The following INSYN2B variants were observed in gnomAD, a reference collection of about 807,000 sequenced individuals.
INSYN2B encodes the protein inhibitory synaptic factor family member 2B.
INSYN2B carries 16 observed loss-of-function variants against 41.2 expected under a neutral mutation model. The ratio of observed to expected loss-of-function variants is 0.39; its 90% CI spans 0.26 to 0.59. The LOEUF is 0.59. Among genes scored for constraint, INSYN2B ranks in the 20% least tolerant of loss-of-function variants. INSYN2B has a pLI of 0.57. For missense variants in INSYN2B, 608 were observed against 646.4 expected (o/e 0.94, Z 0.64); for synonymous variants, 245 against 244.4 (o/e 1.00, Z -0.02).
intron 1 of INSYN2B, among the ~76,000 whole-genome samples, chr5:169,893,201 A>C (rs1302358018): frequency 6.6e-6 from 1 of 152,130 alleles, no homozygotes; most frequent in Admixed American, 6.6e-5. Flanking sequence ...TGTAGGGACA[A>C]TTCTGTGGTA....
At chr5:169,893,832 G>C (rs1264710976) in intron 1 of INSYN2B, among the ~76,000 whole-genome samples, 2 of 152,222 alleles carry the variant, frequency 1.3e-5, no homozygotes, top group East Asian at 3.8e-4. Flanking sequence ...CCACATGGGA[G>C]AGGGATCCAG....
intron 1 of INSYN2B, among the ~76,000 whole-genome samples, chr5:169,933,176 C>G (rs1775835611): frequency 6.6e-6 from 1 of 152,118 alleles, no homozygotes; most frequent in Admixed American, 6.5e-5. Context: ...TTTGGTGTAC[C>G]CTGAAAGAGA....
At chr5:169,932,347 T>C (rs934541084) in intron 1 of INSYN2B, among the ~76,000 whole-genome samples, 1 of 152,076 alleles carries the variant, frequency 6.6e-6, no homozygotes, top group African/African-American at 2.4e-5. Flanking sequence ...GTTGGAACTA[T>C]ACCCGCTGCA....
intron 1 of INSYN2B, among the ~76,000 whole-genome samples, chr5:169,951,638 C>T (rs1303591839): frequency 6.6e-6 from 1 of 152,106 alleles, no homozygotes; most frequent in African/African-American, 2.4e-5. Flanking sequence ...TTGAGAATAG[C>T]ATTATGATGA....
intron 1 of INSYN2B, among the ~76,000 whole-genome samples, chr5:169,928,011 C>T (rs911044340): frequency 6.6e-6 from 1 of 152,122 alleles, no homozygotes; most frequent in African/African-American, 2.4e-5. Context: ...CTCACAGATC[C>T]ATGTGTGTGT....
intron 3 of INSYN2B, among the ~76,000 whole-genome samples, chr5:169,865,677 G>A (rs572878188): frequency 6.6e-6 from 1 of 152,332 alleles, no homozygotes; most frequent in South Asian, 2.1e-4. Flanking sequence ...AGGATGAGGA[G>A]CCAGCGTGGG....
chr5:169,902,967 A>G (rs767030996), intron 1 of INSYN2B, among the ~76,000 whole-genome samples: 53 of 152,040 alleles, frequency 3.5e-4, no homozygotes, highest in East Asian at 9.7e-4. Context: ...GTGTGGTGGC[A>G]CATGCCTGTA....
At chr5:169,935,133 A>G (rs916762095) in intron 1 of INSYN2B, among the ~76,000 whole-genome samples, 1 of 152,230 alleles carries the variant, frequency 6.6e-6, no homozygotes, top group Admixed American at 6.5e-5. Context: ...AGGACTGGCC[A>G]GCACTGTGGA....
chr5:169,931,076 T>C (rs1581434935), intron 1 of INSYN2B, among the ~76,000 whole-genome samples: 1 of 152,214 alleles, frequency 6.6e-6, no homozygotes, highest in South Asian at 2.1e-4. Context: ...AAAGATAAAG[T>C]GGCTTTGCTT....
rs549440702 is a variant in INSYN2B, at chr5:169,973,535, G to T, written c.-919+6742C>A. Among the ~76,000 whole-genome samples the T allele has an allele frequency of 9.9e-4, 151 of 152,262 alleles. 2 individuals are homozygous for T. Among genetic ancestry groups the T allele is most frequent in the Non-Finnish European group, 2.0e-3 (133 of 68,018 alleles). ...CCCATTCACAAAGAGAGAACTGAGG[G>T]TCCAAGAGGTAAAATAATTTGTCCA... is the stretch of plus-strand genomic sequence containing the variant. On this transcript the variant is annotated intron_variant, in intron 1 of 3. Transcript: ENST00000377365.
intron 1 of INSYN2B, among the ~76,000 whole-genome samples, chr5:169,953,347 AAGAG>A (rs1175831719): frequency 2.8e-3 from 418 of 151,076 alleles, no homozygotes; most frequent in African/African-American, 9.6e-3. Flanking sequence ...AAAAAAAAAA[AAGAG>A]AGAGAGAGAG....
chr5:169,926,506 G>T (rs905899697), intron 1 of INSYN2B, among the ~76,000 whole-genome samples: 2 of 152,174 alleles, frequency 1.3e-5, no homozygotes, highest in Non-Finnish European at 2.9e-5. Flanking sequence ...AGAAAGCTTT[G>T]TGAACATGAT....
intron 1 of INSYN2B, among the ~76,000 whole-genome samples, chr5:169,921,880 CAT>C (rs758398980): frequency 1.3e-5 from 2 of 152,044 alleles, no homozygotes; most frequent in East Asian, 3.9e-4. Flanking sequence ...ACTGAAGGAA[CAT>C]AGTAAATAAT....
At chr5:169,946,911 C>T (rs201704541) in intron 1 of INSYN2B, among the ~76,000 whole-genome samples, 5 of 152,094 alleles carry the variant, frequency 3.3e-5, no homozygotes, top group African/African-American at 9.7e-5. Flanking sequence ...GTGTTCCAGG[C>T]AGAGGGAAGA....
chr5:169,950,977 C>T (rs1032181697), intron 1 of INSYN2B, among the ~76,000 whole-genome samples: 12 of 152,112 alleles, frequency 7.9e-5, no homozygotes, highest in African/African-American at 2.2e-4. Context: ...TAAAATTGGG[C>T]GGTTGAATGT....
chr5:169,925,413 T>C (rs1775385759), intron 1 of INSYN2B, among the ~76,000 whole-genome samples: 1 of 151,816 alleles, frequency 6.6e-6, no homozygotes, highest in African/African-American at 2.4e-5. Flanking sequence ...AACCCCATCT[T>C]TACTAAAATT....
intron 1 of INSYN2B, among the ~76,000 whole-genome samples, chr5:169,925,540 A>G (rs907476491): frequency 2.8e-4 from 39 of 138,278 alleles, no homozygotes; most frequent in African/African-American, 1.0e-3. Context: ...AGATCAGGCC[A>G]CTGAACTCCA....
chr5:169,896,307 T>C (rs1240345488), intron 1 of INSYN2B, among the ~76,000 whole-genome samples: 1 of 152,100 alleles, frequency 6.6e-6, no homozygotes, highest in Non-Finnish European at 1.5e-5. Flanking sequence ...TTAAATCCCA[T>C]GTGGAGTGGC....
intron 1 of INSYN2B, among the ~76,000 whole-genome samples, chr5:169,933,468 C>T (rs1344162483): frequency 6.6e-6 from 1 of 152,206 alleles, no homozygotes. Flanking sequence ...CAGTCATTAT[C>T]CTGAGCATCA....
Sources: allele counts gnomAD v4.1 joint callset (sites outside exome capture counted in the v4.1 genomes callset), GRCh38; gene constraint gnomAD v4.1.1; transcripts MANE v1.5; gene names NCBI Gene and HGNC (gene_info 2026-07-23, HGNC 2026-07-21).